Variants in BMERB1 observed in about 807,000 individuals in gnomAD.
BMERB1 encodes the protein bMERB domain containing 1.
BMERB1 carries 12 observed loss-of-function variants against 23.6 expected under a neutral mutation model. That is an observed-to-expected ratio of 0.51 (90% CI 0.33 to 0.82). The LOEUF (loss-of-function observed/expected upper bound fraction) is 0.82, where lower values mean the gene tolerates loss of function less well. Ranked by LOEUF, BMERB1 falls within the 40% of genes least tolerant of loss-of-function variation. The pLI, the probability that BMERB1 is intolerant of heterozygous loss-of-function variation, is 0.03. For missense variants in BMERB1, 247 were observed against 255.4 expected, an observed-to-expected ratio of 0.97 and a Z score of 0.22; for synonymous variants, 122 against 96.6, an observed-to-expected ratio of 1.26 and a Z score of -1.54.
At chr16:15,524,474 A>G (rs2051886514) in intron 2 of BMERB1, among the ~76,000 whole-genome samples, 1 of 152,078 alleles carries the variant, frequency 6.6e-6, no homozygotes, top group South Asian at 2.1e-4. Context: ...TTGAATGGAG[A>G]AATACATGTT....
chr16:15,475,826 A>G (rs968093947), intron 1 of BMERB1, among the ~76,000 whole-genome samples: 3 of 152,174 alleles, frequency 2.0e-5, no homozygotes, highest in African/African-American at 7.2e-5. Context: ...TCTCCTGTCA[A>G]TGATGTGTGA....
intron 1 of BMERB1, among the ~76,000 whole-genome samples, chr16:15,436,561 TTTTAG>T (rs1416420893): frequency 6.6e-6 from 1 of 152,060 alleles, no homozygotes; most frequent in Non-Finnish European, 1.5e-5. Context: ...ACCTGCCCTC[TTTTAG>T]TTATTTTTAA....
intron 1 of BMERB1, among the ~76,000 whole-genome samples, chr16:15,479,639 T>A (rs1340498406): frequency 2.0e-5 from 3 of 152,132 alleles, no homozygotes; most frequent in African/African-American, 7.2e-5. Flanking sequence ...TAGAAGCAGA[T>A]ATAAGAATCT....
In BMERB1 at chr16:15,538,455, G is replaced by GA. The variant is rs113043732; in HGVS notation, c.230+23039dup. Reference sequence around the variant, plus strand: ...TGACAGAGCAAGACTCTGTCTCAAAGAAAAAAAAAAAAGGCTCTTAGATTG... The same window carrying GA: ...TGACAGAGCAAGACTCTGTCTCAAAGAAAAAAAAAAAAAGGCTCTTAGATTG... On this transcript the variant is annotated intron_variant, in intron 2 of 5. Coordinates refer to ENST00000300006, the MANE Select transcript of BMERB1 (RefSeq NM_033201.3). Among the ~76,000 whole-genome samples, 236 of 140,332 alleles carry GA rather than the reference G, an allele frequency of 1.7e-3. 2 individuals carry two copies. Among genetic ancestry groups the GA allele is most frequent in the Middle Eastern group, 3.6e-3 (1 of 278 alleles). 92.1% of individuals were successfully genotyped at this position (140,332 alleles called of 152,430 possible).
At chr16:15,481,505 C>T (rs222141) in intron 1 of BMERB1, among the ~76,000 whole-genome samples, 17 of 151,644 alleles carry the variant, frequency 1.1e-4, no homozygotes, top group African/African-American at 3.9e-4. Flanking sequence ...CCAACCTGGG[C>T]GACAGAGTAA....
intron 1 of BMERB1, among the ~76,000 whole-genome samples, chr16:15,446,750 A>C (rs1012461454): frequency 3.3e-5 from 5 of 152,200 alleles, no homozygotes; most frequent in Non-Finnish European, 5.9e-5. Flanking sequence ...CTTAGAACTG[A>C]TTCTGTTCTC....
At chr16:15,434,859 A>G in intron 1 of BMERB1, 100 bp downstream of exon 1, 1 of 992,234 alleles carries the variant, frequency 1.0e-6, no homozygotes. Flanking sequence ...CAGTGGACCC[A>G]GGGAAGCGCC....
At chr16:15,546,620 A>G (rs970047432) in intron 2 of BMERB1, among the ~76,000 whole-genome samples, 4 of 152,208 alleles carry the variant, frequency 2.6e-5, no homozygotes, top group Non-Finnish European at 5.9e-5. Context: ...CTTCTAAACT[A>G]TATGTCCACG....
chr16:15,534,483 G>A (rs969799046), intron 2 of BMERB1, among the ~76,000 whole-genome samples: 6 of 151,916 alleles, frequency 3.9e-5, no homozygotes, highest in Non-Finnish European at 5.9e-5. Flanking sequence ...GAACCCGGGA[G>A]GAAGACGTTG....
chr16:15,547,840 G>T (rs1039773778), intron 2 of BMERB1, among the ~76,000 whole-genome samples: 1 of 152,106 alleles, frequency 6.6e-6, no homozygotes, highest in African/African-American at 2.4e-5. Context: ...GATTCCGATG[G>T]AGCCACTTAA....
At chr16:15,454,465 G>A (rs1396595582) in intron 1 of BMERB1, among the ~76,000 whole-genome samples, 1 of 152,160 alleles carries the variant, frequency 6.6e-6, no homozygotes, top group Non-Finnish European at 1.5e-5. Flanking sequence ...AAATGCATGA[G>A]CCAAGTGTGA....
At chr16:15,515,560 T>TCGG in intron 2 of BMERB1, 132 bp downstream of exon 2, 1 of 1,270,562 alleles carries the variant, frequency 7.9e-7, no homozygotes, top group Non-Finnish European at 1.0e-6. Flanking sequence ...AAGCCTCATT[T>TCGG]GATTCTCACC....
At chr16:15,551,117 G>C (rs748107472) in intron 2 of BMERB1, among the ~76,000 whole-genome samples, 2 of 152,160 alleles carry the variant, frequency 1.3e-5, no homozygotes, top group Non-Finnish European at 2.9e-5. Context: ...CTCGAATGAC[G>C]GATGTTTAAT....
intron 2 of BMERB1, among the ~76,000 whole-genome samples, chr16:15,559,839 G>A (rs561950990): frequency 6.6e-6 from 1 of 152,094 alleles, no homozygotes; most frequent in Non-Finnish European, 1.5e-5. Flanking sequence ...CAGGACAGGG[G>A]TGTCCAATCT....
chr16:15,587,174 G>C lies in BMERB1; in HGVS notation c.*345G>C, dbSNP rs906413226. On this transcript the variant is annotated 3_prime_UTR_variant, in exon 6 of 6. Transcript: ENST00000300006. ...ACCGTGTGAATGAACTGGGAGAGGG[G>C]CATGCTCCCCAGCTGTGTGTAGTCG... The C allele has an allele frequency of 3.5e-6, 1 of 284,560 alleles. No homozygotes were observed. Among genetic ancestry groups the C allele is most frequent in the African/African-American group, 2.2e-5 (1 of 45,424 alleles). The allele number at this position is 284,560 out of a possible 1,614,324, so 17.6% of individuals were successfully genotyped here. A position where few individuals can be genotyped will look rare whatever the true frequency, so the allele number is the denominator to read the frequency against.
chr16:15,513,828 AG>A (rs1382007983), intron 1 of BMERB1, among the ~76,000 whole-genome samples: 16 of 152,026 alleles, frequency 1.1e-4, no homozygotes, highest in Admixed American at 1.0e-3. Context: ...CGGGAGGTGA[AG>A]GTTGCATTGA....
intron 1 of BMERB1, among the ~76,000 whole-genome samples, chr16:15,482,944 A>G (rs539176680): frequency 4.7e-4 from 72 of 152,228 alleles, no homozygotes; most frequent in African/African-American, 1.6e-3. Context: ...AACTGAGTCT[A>G]TACACACACA....
intron 2 of BMERB1, among the ~76,000 whole-genome samples, chr16:15,541,423 G>GTTTTT (rs869249451): frequency 7.6e-5 from 7 of 92,122 alleles, no homozygotes; most frequent in Non-Finnish European, 9.6e-5. Flanking sequence ...CCGCCGAATT[G>GTTTTT]TTTTTTTTTT....
At chr16:15,504,792 A>G (rs1438970835) in intron 1 of BMERB1, among the ~76,000 whole-genome samples, 4 of 151,760 alleles carry the variant, frequency 2.6e-5, no homozygotes, top group Non-Finnish European at 4.4e-5. Context: ...AAAAAAAAGT[A>G]TATTTAAAAA....
Sources: allele counts gnomAD v4.1 joint callset (sites outside exome capture counted in the v4.1 genomes callset), GRCh38; gene constraint gnomAD v4.1.1; transcripts MANE v1.5; gene names NCBI Gene and HGNC (gene_info 2026-07-23, HGNC 2026-07-21).